Variants in PLXDC2 observed in about 807,000 individuals in gnomAD.
The protein encoded by PLXDC2 is plexin domain-containing protein 2.
A neutral mutation model predicts 68.9 loss-of-function variants in PLXDC2; 40 were observed. The ratio of observed to expected loss-of-function variants is 0.58; its 90% confidence interval spans 0.45 to 0.76. The LOEUF (loss-of-function observed/expected upper bound fraction) is 0.76. Ranked by LOEUF, PLXDC2 falls within the 30% of genes least tolerant of loss-of-function variation. The pLI, the probability that PLXDC2 is intolerant of heterozygous loss-of-function variation, is 0.00. For missense variants in PLXDC2, 644 were observed against 661.9 expected (o/e 0.97, Z 0.30); for synonymous variants, 243 against 234.2 (o/e 1.04, Z -0.34).
chr10:20,215,907 C>T (rs566038272), intron 10 of PLXDC2, among the ~76,000 whole-genome samples: 1 of 152,040 alleles, frequency 6.6e-6, no homozygotes, highest in African/African-American at 2.4e-5. Context: ...GCTTGAAATT[C>T]ATACTGAGCA....
chr10:20,101,622 C>T (rs1833422744), intron 4 of PLXDC2, among the ~76,000 whole-genome samples: 1 of 152,092 alleles, frequency 6.6e-6, no homozygotes, highest in East Asian at 1.9e-4. Context: ...CATCAAAAAA[C>T]TTCAGCTGCT....
intron 1 of PLXDC2, among the ~76,000 whole-genome samples, chr10:19,957,517 T>A (rs1834091092): frequency 6.6e-6 from 1 of 152,180 alleles, no homozygotes; most frequent in Non-Finnish European, 1.5e-5. Flanking sequence ...AATAATACGC[T>A]GGAAATATCT....
At chr10:19,988,863 T>C (rs1834696595) in intron 1 of PLXDC2, among the ~76,000 whole-genome samples, 1 of 138,762 alleles carries the variant, frequency 7.2e-6, no homozygotes, top group South Asian at 2.6e-4. Context: ...TGGCGCCATC[T>C]CTGCTCACTG....
chr10:19,899,165 T>A (rs1838117453), intron 1 of PLXDC2, among the ~76,000 whole-genome samples: 1 of 152,208 alleles, frequency 6.6e-6, no homozygotes, highest in Admixed American at 6.5e-5. Flanking sequence ...CGTTTTCATC[T>A]GAGAGAATCA....
At chr10:20,152,258 C>G (rs1228082991) in intron 6 of PLXDC2, among the ~76,000 whole-genome samples, 4 of 152,060 alleles carry the variant, frequency 2.6e-5, no homozygotes, top group Non-Finnish European at 4.4e-5. Context: ...GGAAGTACAA[C>G]TGCTGCTTAA....
At chr10:20,078,188 G>T (rs890089658) in intron 4 of PLXDC2, among the ~76,000 whole-genome samples, 1 of 151,666 alleles carries the variant, frequency 6.6e-6, no homozygotes, top group East Asian at 1.9e-4. Flanking sequence ...GACCAGCCTG[G>T]AAAACACGGT....
At chr10:19,887,953 A>G (rs1255539950) in intron 1 of PLXDC2, among the ~76,000 whole-genome samples, 1 of 152,222 alleles carries the variant, frequency 6.6e-6, no homozygotes, top group African/African-American at 2.4e-5. Context: ...ACTTTGAATT[A>G]CTTCTGCACA....
In PLXDC2 at chr10:20,279,705, A is replaced by G. The variant is rs766674704; in HGVS notation, c.1476A>G (p.Arg492=). 2 of 1,613,230 alleles carry G rather than the reference A, an allele frequency of 1.2e-6. No individual in the cohort carries two copies. Among genetic ancestry groups the G allele is most frequent in the Non-Finnish European group, 1.7e-6 (2 of 1,179,570 alleles). Residue 492 remains arginine (R), a splice_region_variant and synonymous_variant, in exon 14 of 14, where the codon AGA becomes AGG. Transcript: ENST00000377252. ...TATTTTTGTGTTTTCTGTTTCAGAG[A>G]CGCCCAAGCAGATGGCCTGCGATGA... is the stretch of plus-strand genomic sequence containing the variant. ...TSAASIFFIE[R]RPSRWPAMKF...
chr10:19,824,170 A>G (rs1194221463), intron 1 of PLXDC2, among the ~76,000 whole-genome samples: 1 of 152,210 alleles, frequency 6.6e-6, no homozygotes, highest in Non-Finnish European at 1.5e-5. Flanking sequence ...TTATGTTTCA[A>G]TAACAGACAT....
Position 20,139,402 on chromosome 10 carries a change from C to G in PLXDC2, c.542-3893C>G, listed in dbSNP as rs562675234. Among the ~76,000 whole-genome samples the G allele has an allele frequency of 3.3e-5, 5 of 152,296 alleles. No individual in the cohort carries two copies. The South Asian group carries it at 1.0e-3, about 32-fold the overall frequency. On this transcript the variant is annotated intron_variant, in intron 4 of 13. Transcript: ENST00000377252. Reference sequence around the variant, plus strand: ...CCACTTTTCTGCAAAGGCAGATGAGCAGATGAGTGCTATTTATAGTAGAAT... The same window carrying G: ...CCACTTTTCTGCAAAGGCAGATGAGGAGATGAGTGCTATTTATAGTAGAAT...
intron 9 of PLXDC2, among the ~76,000 whole-genome samples, chr10:20,181,038 C>A (rs759241496): frequency 2.0e-5 from 3 of 151,854 alleles, no homozygotes; most frequent in Admixed American, 2.0e-4. Context: ...TTTTGGTATA[C>A]GGAGACAGAG....
At chr10:20,271,748 A>G (rs1003754830) in intron 13 of PLXDC2, among the ~76,000 whole-genome samples, 5 of 152,174 alleles carry the variant, frequency 3.3e-5, no homozygotes, top group African/African-American at 1.2e-4. Flanking sequence ...GGTGAACTAC[A>G]GAGGCTAATT....
intron 4 of PLXDC2, among the ~76,000 whole-genome samples, chr10:20,140,387 C>CACAT (rs1833986660): frequency 6.8e-6 from 1 of 147,072 alleles, no homozygotes; most frequent in African/African-American, 2.5e-5. Context: ...AGAAAAATAA[C>CACAT]ATATATATAT....
chr10:20,105,667 T>C (rs1833482189), intron 4 of PLXDC2, among the ~76,000 whole-genome samples: 1 of 152,098 alleles, frequency 6.6e-6, no homozygotes, highest in Non-Finnish European at 1.5e-5. Flanking sequence ...CACCTCACCT[T>C]TCTCTCTGCA....
chr10:20,258,278 G>A (rs1391387122), intron 13 of PLXDC2, among the ~76,000 whole-genome samples: 1 of 151,946 alleles, frequency 6.6e-6, no homozygotes, highest in Non-Finnish European at 1.5e-5. Flanking sequence ...TGGAATTACA[G>A]GCGTGAGCCA....
At chr10:20,195,605 C>T (rs1053477451) in intron 9 of PLXDC2, among the ~76,000 whole-genome samples, 11 of 152,202 alleles carry the variant, frequency 7.2e-5, no homozygotes, top group Middle Eastern at 3.4e-3. Flanking sequence ...ACAAGAAATA[C>T]TGTCTTTATC....
intron 4 of PLXDC2, among the ~76,000 whole-genome samples, chr10:20,126,221 T>C (rs1265780994): frequency 6.8e-6 from 1 of 147,122 alleles, no homozygotes; most frequent in Non-Finnish European, 1.5e-5. Flanking sequence ...ATATGTTATA[T>C]AATACATATA....
chr10:20,216,694 A>G (rs1835142666), intron 10 of PLXDC2, among the ~76,000 whole-genome samples: 1 of 152,222 alleles, frequency 6.6e-6, no homozygotes. Context: ...GGTGGATAGA[A>G]ACACCAACTT....
chr10:20,262,296 A>C (rs1472973010), intron 13 of PLXDC2, among the ~76,000 whole-genome samples: 1 of 152,226 alleles, frequency 6.6e-6, no homozygotes, highest in African/African-American at 2.4e-5. Flanking sequence ...TTTGCTCTAC[A>C]GAAGCTTTTC....
Sources: allele counts gnomAD v4.1 joint callset (sites outside exome capture counted in the v4.1 genomes callset), GRCh38; gene constraint gnomAD v4.1.1; transcripts MANE v1.5; gene names NCBI Gene and HGNC (gene_info 2026-07-23, HGNC 2026-07-21).